The following GTF2H3 variants were observed in gnomAD, a reference collection of about 807,000 sequenced individuals.
GTF2H3 encodes TFIIH basal transcription factor complex p34 subunit.
A neutral mutation model predicts 51.1 loss-of-function variants in GTF2H3; 42 were observed. The ratio of observed to expected loss-of-function variants is 0.82; its 90% CI spans 0.64 to 1.06. The LOEUF (loss-of-function observed/expected upper bound fraction) is 1.06. GTF2H3 is among the 50% of genes least tolerant of loss of function. GTF2H3 has a pLI of 0.00. For missense variants in GTF2H3, 326 were observed against 366.1 expected (o/e 0.89, Z 0.89); for synonymous variants, 123 against 123.8 (o/e 0.99, Z 0.04).
rs531474294 is a variant in GTF2H3, at chr12:123,654,898, G to A, written c.487-26G>A. ...TGAGAGGACTGGCATGTGCCTGGGT[G>A]GAATTAACATGACTGTGATTTTTAG... is the stretch of plus-strand genomic sequence containing the variant. On this transcript the variant is annotated intron_variant, in intron 7 of 12. Transcript: ENST00000543341. 1.4e-5 allele frequency: 21 copies of A among 1,546,114 alleles called. No individual in the cohort carries two copies. The South Asian group carries it at 2.0e-4, about 15-fold the overall frequency.
At chr12:123,636,350 G>C (rs1955283155) in intron 1 of GTF2H3, among the ~76,000 whole-genome samples, 1 of 152,180 alleles carries the variant, frequency 6.6e-6, no homozygotes, top group Non-Finnish European at 1.5e-5. Context: ...CTGGTTTGGG[G>C]CTTTGAGGAG....
At position 123,651,493 on chromosome 12, in the gene GTF2H3, C is replaced by T. The variant is rs117510880; in HGVS notation, c.427+437C>T. On this transcript the variant is annotated intron_variant, in intron 5 of 12. Transcript: ENST00000543341. Reference sequence around the variant, plus strand: ...CTCAAAGTGCTGGGATTACAGGCCACAGTGTGTGGCTGGCTTTGAAATGTT... The same window carrying T: ...CTCAAAGTGCTGGGATTACAGGCCATAGTGTGTGGCTGGCTTTGAAATGTT... 4.3e-4 allele frequency among the ~76,000 whole-genome samples: 66 copies of T among 151,988 alleles called. 1 individual carries two copies. In the East Asian group the frequency reaches 0.013, roughly 29 times the overall value.
intron 1 of GTF2H3, among the ~76,000 whole-genome samples, 177 bp from the exon 2 acceptor site, chr12:123,639,087 G>A (rs1400061235): frequency 6.6e-6 from 1 of 152,168 alleles, no homozygotes; most frequent in Admixed American, 6.5e-5. Flanking sequence ...GAGCCACCAC[G>A]CCCTGCCCAG....
Position 123,662,248 on chromosome 12 carries a change from ATT to A in GTF2H3, c.*2015_*2016del, listed in dbSNP as rs1955667652. On this transcript the variant is annotated 3_prime_UTR_variant, in exon 13 of 13. Transcript: ENST00000543341. ...ATACAAGCTGAGTCATATTTAAATA[ATT>A]TGATGTTGGCTTAGATAATTTCAGA... The A allele has an allele frequency of 1.3e-5, 2 of 152,184 alleles. No individual in the cohort carries two copies. Among genetic ancestry groups the A allele is most frequent in the South Asian group, 4.1e-4 (2 of 4,822 alleles). The allele number at this position is 152,184 out of a possible 1,614,324, so 9.4% of individuals were successfully genotyped here.
Position 123,660,277 on chromosome 12 carries a change from A to G in GTF2H3, c.*42A>G, listed in dbSNP as rs773417811. The G allele has an allele frequency of 2.9e-6, 4 of 1,367,474 alleles. No homozygotes were observed. Among genetic ancestry groups the G allele is most frequent in the Non-Finnish European group, 4.1e-6 (4 of 976,094 alleles). The allele number at this position is 1,367,474 out of a possible 1,614,324, so 84.7% of individuals were successfully genotyped here. A position where few individuals can be genotyped will look rare whatever the true frequency, so the allele number is the denominator to read the frequency against. ...CCATCTTTTAGAGCTGTTAATAGAA[A>G]TTATATAGCAGATTCTTTGTTGGGA... On this transcript the variant is annotated 3_prime_UTR_variant, in exon 13 of 13. Transcript: ENST00000543341.
chr12:123,635,799 C>T (rs746174114), intron 1 of GTF2H3, among the ~76,000 whole-genome samples: 4 of 152,038 alleles, frequency 2.6e-5, no homozygotes, highest in Admixed American at 6.6e-5. Context: ...AGGACTGGGA[C>T]GAGAGATCAG....
chr12:123,656,815 A>G (rs11057320), intron 9 of GTF2H3, among the ~76,000 whole-genome samples: 76,377 of 152,084 alleles, frequency 0.5, 20,909 homozygotes, highest in African/African-American at 0.72. Context: ...GGCTGAGCTC[A>G]GTGGCTCATG....
At chr12:123,658,573 C>T (rs1032441117) in intron 9 of GTF2H3, among the ~76,000 whole-genome samples, 6 of 152,090 alleles carry the variant, frequency 3.9e-5, no homozygotes, top group African/African-American at 1.4e-4. Flanking sequence ...CTCAAACAGT[C>T]CTGAAGCCTT....
At chr12:123,645,582 T>C (rs781172338) in intron 3 of GTF2H3, 21 bp downstream of exon 3, 1 of 1,266,332 alleles carries the variant, frequency 7.9e-7, no homozygotes, top group Non-Finnish European at 1.2e-6. Flanking sequence ...TGTGATTGCT[T>C]TTGCTCTTCA....
chr12:123,645,689 A>G lies in GTF2H3; in HGVS notation c.200+128A>G, dbSNP rs979159971. The G allele has an allele frequency of 7.6e-5, 46 of 608,970 alleles. No homozygotes were observed. In the African/African-American group the frequency reaches 8.0e-4, roughly 11 times the overall value. The allele number at this position is 608,970 out of a possible 1,614,324, so 37.7% of individuals were successfully genotyped here. ...GTTTTCTGTACCAGTGAACAGCCAC[A>G]GCACCAAGAGCCAGTACATGTACAT... On this transcript the variant is annotated intron_variant, in intron 3 of 12. Coordinates refer to ENST00000543341, the MANE Select transcript of GTF2H3 (RefSeq NM_001516.5).
chr12:123,633,833 G>C lies in GTF2H3; in HGVS notation c.-27G>C. The C allele has an allele frequency of 6.2e-7, 1 of 1,612,344 alleles. No individual in the cohort carries two copies. Among genetic ancestry groups the C allele is most frequent in the South Asian group, 1.1e-5 (1 of 91,082 alleles). ...TGAGACGCTCCCCTGACCACCACTT[G>C]CTCTGCGCTGAGGTGCTGGGACAGC... On this transcript the variant is annotated 5_prime_UTR_variant, in exon 1 of 13. Coordinates refer to ENST00000543341, the MANE Select transcript of GTF2H3 (RefSeq NM_001516.5).
chr12:123,654,575 C>G (rs1593811190), intron 7 of GTF2H3, among the ~76,000 whole-genome samples: 1 of 146,672 alleles, frequency 6.8e-6, no homozygotes, highest in Non-Finnish European at 1.5e-5. Context: ...TTTGGGGGTG[C>G]ATGTGTGTAT....
chr12:123,655,973 T>A (rs1464748900), intron 9 of GTF2H3, 149 bp downstream of exon 9: 2 of 538,990 alleles, frequency 3.7e-6, no homozygotes, highest in African/African-American at 3.8e-5. Context: ...CCCCCTTACG[T>A]ATGGAGCTAC....
At chr12:123,634,428 A>G (rs917196956) in intron 1 of GTF2H3, among the ~76,000 whole-genome samples, 3 of 152,234 alleles carry the variant, frequency 2.0e-5, no homozygotes, top group Non-Finnish European at 4.4e-5. Flanking sequence ...CCGACAGGGC[A>G]TGACCTCGTC....
chr12:123,638,217 G>A (rs1955313810), intron 1 of GTF2H3, among the ~76,000 whole-genome samples: 1 of 151,720 alleles, frequency 6.6e-6, no homozygotes. Context: ...GGAGTGCAGT[G>A]GTGCAATCTT....
At chr12:123,639,407 T>A (rs899277779) in intron 2 of GTF2H3, 64 bp downstream of exon 2, 6 of 781,442 alleles carry the variant, frequency 7.7e-6, no homozygotes, top group African/African-American at 3.4e-5. Flanking sequence ...ATTGCTTTTT[T>A]AAAAAATGGC....
intron 4 of GTF2H3, chr12:123,648,540 G>A (rs1955479785): frequency 6.5e-6 from 1 of 154,090 alleles, no homozygotes; most frequent in South Asian, 2.0e-4. Context: ...TTCCAACTTT[G>A]TTTCTAACCC....
At chr12:123,633,977 T>C in intron 1 of GTF2H3, 105 bp downstream of exon 1, 2 of 1,303,428 alleles carry the variant, frequency 1.5e-6, no homozygotes, top group South Asian at 2.4e-5. Context: ...AGAATCCGTT[T>C]GGTCTTTAGA....
intron 2 of GTF2H3, among the ~76,000 whole-genome samples, chr12:123,640,661 G>A (rs1241135185): frequency 6.6e-6 from 1 of 151,994 alleles, no homozygotes. Context: ...TTAATGACAG[G>A]TTAGCTGTTT....
Sources: gnomAD v4.1 joint callset for allele counts (sites outside exome capture counted in the v4.1 genomes callset) on GRCh38, gnomAD v4.1.1 for gene constraint, MANE v1.5 for transcripts, NCBI Gene and HGNC (gene_info 2026-07-23, HGNC 2026-07-21) for gene names.